Variants in WIF1 observed in about 807,000 individuals in gnomAD.
WIF1 encodes Wnt inhibitory factor 1.
WIF1 carries 35 observed loss-of-function variants against 53.5 expected under a neutral mutation model. The ratio of observed to expected loss-of-function variants is 0.65; its 90% CI spans 0.50 to 0.87. The LOEUF is 0.87. Among genes scored for constraint, WIF1 ranks in the 40% least tolerant of loss-of-function variants. WIF1 has a pLI of 0.00. For synonymous variants in WIF1, 171 were observed against 170.4 expected, an observed-to-expected ratio of 1.00 and a Z score of -0.03; for missense variants, 467 against 476.8, an observed-to-expected ratio of 0.98 and a Z score of 0.19.
chr12:65,110,042 T>C (rs1188836402), intron 2 of WIF1, among the ~76,000 whole-genome samples: 2 of 152,224 alleles, frequency 1.3e-5, no homozygotes, highest in African/African-American at 4.8e-5. Flanking sequence ...TATAAAGATA[T>C]TACCATTAAT....
chr12:65,061,113 G>A (rs775197379), intron 7 of WIF1, among the ~76,000 whole-genome samples: 4 of 152,098 alleles, frequency 2.6e-5, no homozygotes, highest in Non-Finnish European at 5.9e-5. Flanking sequence ...TCCGGGAAGG[G>A]TAATTAATAA....
chr12:65,074,076 T>C (rs2136619085), intron 3 of WIF1, among the ~76,000 whole-genome samples: 1 of 152,334 alleles, frequency 6.6e-6, no homozygotes. Flanking sequence ...AAAATGATGT[T>C]CTATCTAAAC....
chr12:65,119,778 A>G (rs1463197315), intron 2 of WIF1, among the ~76,000 whole-genome samples: 2 of 152,228 alleles, frequency 1.3e-5, no homozygotes, highest in Non-Finnish European at 2.9e-5. Context: ...GTAACATATA[A>G]AAGATGCTAA....
rs1243622744 is a variant in WIF1, at chr12:65,111,648, C to T, written c.288+8769G>A. Among the ~76,000 whole-genome samples, 6 of 152,322 alleles carry T rather than the reference C, an allele frequency of 3.9e-5. No individual in the cohort carries two copies. In the East Asian group the frequency reaches 9.6e-4, roughly 24 times the overall value. ...TCACCTGGGAATACTTCAGTACTTCCACTTTCCAGGAATTGTTAAGGGGAT... is the reference window on the plus strand; with the variant it reads ...TCACCTGGGAATACTTCAGTACTTCTACTTTCCAGGAATTGTTAAGGGGAT... On this transcript the variant is annotated intron_variant, in intron 2 of 9. Transcript: ENST00000286574.
chr12:65,056,001 CCAGATTGG>C, intron 8 of WIF1, 22 bp downstream of exon 8: 1 of 1,599,970 alleles, frequency 6.3e-7, no homozygotes, highest in East Asian at 2.2e-5. Flanking sequence ...ACCTAGTAGC[CCAGATTGG>C]CAATGTGTAT....
intron 2 of WIF1, among the ~76,000 whole-genome samples, chr12:65,098,388 C>A (rs1883234993): frequency 6.6e-6 from 1 of 152,016 alleles, no homozygotes; most frequent in Admixed American, 6.6e-5. Context: ...CACTTTAGAG[C>A]CGGAAAAATT....
intron 2 of WIF1, among the ~76,000 whole-genome samples, chr12:65,084,623 C>T (rs978352): frequency 0.55 from 84,326 of 152,084 alleles, 25,513 homozygotes; most frequent in East Asian, 0.86. Flanking sequence ...AATGGGACTA[C>T]ATATTTTTTC....
In WIF1 at chr12:65,055,128, G is replaced by A; in HGVS notation, c.1008C>T (p.His336=). Residue 336 remains histidine, a synonymous_variant, in exon 9 of 10, where the codon CAC becomes CAT. Transcript: ENST00000286574. Reference sequence around the variant, plus strand: ...ATTTCTCCCACTCACTTTTATTGCAGTGTCTTCCATGCCAACCTTCTTGAC... The same window carrying A: ...ATTTCTCCCACTCACTTTTATTGCAATGTCTTCCATGCCAACCTTCTTGAC... ...CQCQEGWHGR[H]CNKRYEASLI... is the part of the protein sequence containing the mutation. 3.7e-6 allele frequency: 6 copies of A among 1,613,670 alleles called. No individual in the cohort carries two copies. The highest frequency in any genetic ancestry group is 5.1e-6 in the Non-Finnish European group (6 of 1,179,898).
intron 5 of WIF1, among the ~76,000 whole-genome samples, chr12:65,067,287 AT>A (rs1285615439): frequency 6.6e-6 from 1 of 152,116 alleles, no homozygotes; most frequent in Admixed American, 6.6e-5. Context: ...TTAAAAATTA[AT>A]TTCCCTGAAA....
At chr12:65,066,969 T>G in intron 5 of WIF1, among the ~76,000 whole-genome samples, 1 of 152,066 alleles carries the variant, frequency 6.6e-6, no homozygotes, top group East Asian at 1.9e-4. Flanking sequence ...TGGTTCCATT[T>G]GAATACTTGA....
chr12:65,104,579 C>T (rs1883327416), intron 2 of WIF1, among the ~76,000 whole-genome samples: 1 of 152,126 alleles, frequency 6.6e-6, no homozygotes, highest in South Asian at 2.1e-4. Flanking sequence ...GTGAGAATAT[C>T]AGTAGTGCTT....
Position 65,115,760 on chromosome 12 carries a change from G to T in WIF1, c.288+4657C>A, listed in dbSNP as rs540301549. 5.9e-5 allele frequency among the ~76,000 whole-genome samples: 9 copies of T among 152,310 alleles called. No individual in the cohort carries two copies. In the South Asian group the frequency reaches 1.9e-3, roughly 32 times the overall value. ...CAGAAGGTTAAATGGAGGCAAAGTT[G>T]TCCATGAAAATGGGAATTGCAGGGA... On this transcript the variant is annotated intron_variant, in intron 2 of 9. Coordinates refer to ENST00000286574, the MANE Select transcript of WIF1 (RefSeq NM_007191.5).
intron 7 of WIF1, among the ~76,000 whole-genome samples, chr12:65,062,057 T>C (rs570843634): frequency 1.6e-4 from 24 of 152,304 alleles, no homozygotes; most frequent in African/African-American, 5.1e-4. Flanking sequence ...AGATGGGTTG[T>C]TAGGCTCAGT....
At chr12:65,054,393 C>A (rs1450724073) in intron 9 of WIF1, among the ~76,000 whole-genome samples, 2 of 152,130 alleles carry the variant, frequency 1.3e-5, no homozygotes, top group Non-Finnish European at 1.5e-5. Context: ...CCTTTTCTGT[C>A]TGTGCACTGG....
At chr12:65,069,713 T>C (rs1251963337) in intron 3 of WIF1, among the ~76,000 whole-genome samples, 2 of 152,110 alleles carry the variant, frequency 1.3e-5, no homozygotes, top group Non-Finnish European at 2.9e-5. Context: ...AAAGCAGGGA[T>C]TGGGAACTGA....
rs369897328 is a variant in WIF1, at chr12:65,121,110, C to T, written c.82G>A (p.Ala28Thr). ...AGGCTCTCCTCCTGCGGCGGCCCGG[C>T]CTCCGCCCGCAGTGCCAGCAGGCAC... ...LLCLLALRAE[A>T]GPPQEESLYL... The change falls in exon 1 of 10, where the codon GCC becomes ACC. Residue 28 changes from alanine (A) to threonine (T), a missense_variant. Ala to Thr is a moderately conservative substitution (Grantham distance 58). Transcript: ENST00000286574. 1.1e-4 allele frequency: 165 copies of T among 1,546,264 alleles called. 1 individual carries two copies. In the Middle Eastern group the frequency reaches 1.3e-3, roughly 13 times the overall value.
intron 7 of WIF1, among the ~76,000 whole-genome samples, chr12:65,058,117 C>A (rs1397572332): frequency 6.6e-6 from 1 of 151,302 alleles, no homozygotes; most frequent in Non-Finnish European, 1.5e-5. Flanking sequence ...GGTTTGAATA[C>A]AAGAATACCA....
At chr12:65,055,246 T>C (rs1304401957) in intron 8 of WIF1, 33 bp from the exon 9 acceptor site, 1 of 1,598,010 alleles carries the variant, frequency 6.3e-7, no homozygotes, top group Admixed American at 1.8e-5. Context: ...GAGTATTTCC[T>C]GAGCTTTCCT....
At chr12:65,111,273 C>A (rs971246516) in intron 2 of WIF1, among the ~76,000 whole-genome samples, 12 of 152,188 alleles carry the variant, frequency 7.9e-5, no homozygotes, top group African/African-American at 2.4e-4. Flanking sequence ...CTACCCTCCA[C>A]CCTGTGATGA....
Sources: gnomAD v4.1 joint callset for allele counts (sites outside exome capture counted in the v4.1 genomes callset) on GRCh38, gnomAD v4.1.1 for gene constraint, MANE v1.5 for transcripts, NCBI Gene and HGNC (gene_info 2026-07-23, HGNC 2026-07-21) for gene names.